Variants in CSMD3 observed in about 807,000 individuals in gnomAD.
The protein encoded by CSMD3 is CUB and sushi domain-containing protein 3.
Under a neutral mutation model 435.2 loss-of-function variants are expected in CSMD3, and 177 were observed. That is an observed-to-expected ratio of 0.41 (90% CI 0.36 to 0.46). The LOEUF (loss-of-function observed/expected upper bound fraction) is 0.46, where lower values mean the gene tolerates loss of function less well. Ranked by LOEUF, CSMD3 falls within the 20% of genes least tolerant of loss-of-function variation. CSMD3 has a pLI of 0.34. For missense variants in CSMD3, 4,265 were observed against 4,504.6 expected, an observed-to-expected ratio of 0.95 and a Z score of 1.52; for synonymous variants, 1,656 against 1,520.5, an observed-to-expected ratio of 1.09 and a Z score of -2.07.
At chr8:112,908,874 T>A (rs1424582636) in intron 10 of CSMD3, among the ~76,000 whole-genome samples, 1 of 151,508 alleles carries the variant, frequency 6.6e-6, no homozygotes, top group Admixed American at 6.6e-5. Context: ...ATAACCTGTG[T>A]CCTCCTTGCA....
intron 38 of CSMD3, among the ~76,000 whole-genome samples, chr8:112,356,872 C>T (rs1361624401): frequency 1.3e-5 from 2 of 152,040 alleles, no homozygotes; most frequent in Non-Finnish European, 1.5e-5. Flanking sequence ...ACTGCAAGTC[C>T]AATTAAACCT....
At chr8:112,343,159 A>AG (rs1192047055) in intron 41 of CSMD3, among the ~76,000 whole-genome samples, 1 of 151,308 alleles carries the variant, frequency 6.6e-6, no homozygotes, top group Non-Finnish European at 1.5e-5. Context: ...TATATATTCA[A>AG]GTTTTAATAA....
In CSMD3 at chr8:112,406,464, T is replaced by C. The variant is rs1831868305; in HGVS notation, c.5809+60A>G. ...ATCTGAAATTTAAAAAATTGAAAGA[T>C]GTAACCAATTTTTATATAAACTATG... On this transcript the variant is annotated intron_variant, in intron 35 of 70. Transcript: ENST00000297405. 3 of 1,160,980 alleles carry C rather than the reference T, an allele frequency of 2.6e-6. No homozygotes were observed. The African/African-American group carries it at 4.7e-5, about 18-fold the overall frequency. The allele number at this position is 1,160,980 out of a possible 1,614,324, so 71.9% of individuals were successfully genotyped here. A position where few individuals can be genotyped will look rare whatever the true frequency, so the allele number is the denominator to read the frequency against.
intron 38 of CSMD3, among the ~76,000 whole-genome samples, 177 bp downstream of exon 38, chr8:112,380,175 A>G (rs1013788810): frequency 1.3e-5 from 2 of 152,222 alleles, no homozygotes; most frequent in African/African-American, 4.8e-5. Context: ...TGAAACCATT[A>G]AAACTTTATT....
At chr8:112,542,426 T>C (rs1289357103) in intron 27 of CSMD3, among the ~76,000 whole-genome samples, 1 of 150,502 alleles carries the variant, frequency 6.6e-6, no homozygotes, top group Admixed American at 6.6e-5. Context: ...AAAGACTTTA[T>C]CAAAAAAACT....
chr8:112,760,781 C>T (rs1007833270), intron 13 of CSMD3, among the ~76,000 whole-genome samples: 2 of 152,108 alleles, frequency 1.3e-5, no homozygotes, highest in African/African-American at 4.8e-5. Flanking sequence ...GCAGAACAGC[C>T]AGGCCAGTGC....
chr8:113,266,229 T>C (rs1280659610), intron 3 of CSMD3, among the ~76,000 whole-genome samples: 1 of 147,454 alleles, frequency 6.8e-6, no homozygotes, highest in African/African-American at 2.5e-5. Flanking sequence ...CAAGGATAAA[T>C]TTCTAATAAA....
At chr8:112,988,785 A>G (rs1293625030) in intron 6 of CSMD3, among the ~76,000 whole-genome samples, 4 of 152,048 alleles carry the variant, frequency 2.6e-5, no homozygotes, top group African/African-American at 7.2e-5. Flanking sequence ...TCAGGCATCC[A>G]TTAGTACTCA....
At chr8:112,276,676 G>T (rs1360877856) in intron 59 of CSMD3, among the ~76,000 whole-genome samples, 1 of 152,144 alleles carries the variant, frequency 6.6e-6, no homozygotes, top group Non-Finnish European at 1.5e-5. Flanking sequence ...CTCAGGCCAT[G>T]ACTTCAGAGT....
At chr8:113,431,943 T>C (rs1012430569) in intron 1 of CSMD3, among the ~76,000 whole-genome samples, 4 of 152,146 alleles carry the variant, frequency 2.6e-5, no homozygotes, top group Non-Finnish European at 4.4e-5. Flanking sequence ...CAAATAGAAA[T>C]GCTAATTAAT....
Position 112,756,769 on chromosome 8 carries a change from A to ATT in CSMD3, c.1972+43391_1972+43392dup, listed in dbSNP as rs67224021. 8.8e-4 allele frequency among the ~76,000 whole-genome samples: 123 copies of ATT among 139,926 alleles called. No individual in the cohort carries two copies. The East Asian group carries it at 8.8e-3, about 10-fold the overall frequency. 91.8% of individuals were successfully genotyped at this position (139,926 alleles called of 152,430 possible). On this transcript the variant is annotated intron_variant, in intron 13 of 70. Transcript: ENST00000297405. ...CTCCTTTAAAAAAAATTATGTATTA[A>ATT]TTTTTTTTTTTTTTTTGAGACGGAA... is the stretch of plus-strand genomic sequence containing the variant.
intron 23 of CSMD3, among the ~76,000 whole-genome samples, chr8:112,578,938 T>A (rs978472574): frequency 2.0e-5 from 3 of 152,020 alleles, no homozygotes; most frequent in Non-Finnish European, 4.4e-5. Flanking sequence ...CAAATAGTAA[T>A]AAAATATACA....
At chr8:113,167,457 C>A (rs1015125332) in intron 4 of CSMD3, among the ~76,000 whole-genome samples, 1 of 152,152 alleles carries the variant, frequency 6.6e-6, no homozygotes, top group Non-Finnish European at 1.5e-5. Context: ...ACTCGTAGGT[C>A]TTCTACCCCT....
intron 5 of CSMD3, among the ~76,000 whole-genome samples, chr8:113,030,530 A>G (rs1308292744): frequency 6.6e-6 from 1 of 151,038 alleles, no homozygotes; most frequent in Non-Finnish European, 1.5e-5. Flanking sequence ...TGAAAGCTCA[A>G]AATTGATCAT....
At chr8:113,405,472 A>G (rs552954044) in intron 1 of CSMD3, among the ~76,000 whole-genome samples, 1 of 151,802 alleles carries the variant, frequency 6.6e-6, no homozygotes, top group Admixed American at 6.6e-5. Flanking sequence ...TCATTGTAAT[A>G]AGTGAAATAA....
At chr8:112,673,569 A>T (rs1056623146) in intron 16 of CSMD3, among the ~76,000 whole-genome samples, 5 of 152,250 alleles carry the variant, frequency 3.3e-5, no homozygotes, top group African/African-American at 1.2e-4. Context: ...CCACAAATCA[A>T]TTCTGATCTG....
intron 4 of CSMD3, among the ~76,000 whole-genome samples, chr8:113,165,371 A>G (rs952619627): frequency 6.6e-6 from 1 of 152,164 alleles, no homozygotes; most frequent in African/African-American, 2.4e-5. Flanking sequence ...CAAAAATGTA[A>G]ACTTTCCCTA....
At chr8:112,958,521 T>G (rs2084114938) in intron 7 of CSMD3, among the ~76,000 whole-genome samples, 2 of 152,176 alleles carry the variant, frequency 1.3e-5, no homozygotes, top group Non-Finnish European at 2.9e-5. Flanking sequence ...GGATTATCAC[T>G]GTGGCGTCTT....
At chr8:112,236,452 A>T (rs934881202) in intron 67 of CSMD3, among the ~76,000 whole-genome samples, 2 of 152,102 alleles carry the variant, frequency 1.3e-5, no homozygotes, top group Non-Finnish European at 2.9e-5. Flanking sequence ...TTTATTTTAT[A>T]TTGTTAGAAT....
Sources: gnomAD v4.1 joint callset for allele counts (sites outside exome capture counted in the v4.1 genomes callset) on GRCh38, gnomAD v4.1.1 for gene constraint, MANE v1.5 for transcripts, NCBI Gene and HGNC (gene_info 2026-07-23, HGNC 2026-07-21) for gene names.